LZTFL1: variants seen among roughly 807,000 people sequenced by gnomAD.
LZTFL1 encodes leucine zipper transcription factor like 1, also known as leucine zipper transcription factor-like protein 1.
In LZTFL1, 25 loss-of-function variants were observed where a neutral mutation model predicts 45.9. That is an observed-to-expected ratio of 0.54 (90% confidence interval 0.40 to 0.76). LZTFL1 has a LOEUF of 0.76. Ranked by LOEUF, LZTFL1 falls within the 30% of genes least tolerant of loss-of-function variation. LZTFL1 has a pLI of 0.00. For synonymous variants in LZTFL1, 93 were observed against 117.4 expected, an observed-to-expected ratio of 0.79 and a Z score of 1.35; for missense variants, 277 against 331.1, an observed-to-expected ratio of 0.84 and a Z score of 1.27.
chr3:45,880,907 C>G (rs1215846106), intron 2 of LZTFL1, among the ~76,000 whole-genome samples: 6 of 152,194 alleles, frequency 3.9e-5, no homozygotes, highest in Admixed American at 1.3e-4. Flanking sequence ...TTAATGTGCT[C>G]TGTCTTGCTG....
exon 1 of LZTFL1, chr3:45,915,613 A>T: frequency 2.4e-6 from 1 of 423,792 alleles, no homozygotes; most frequent in South Asian, 1.6e-5. Context: ...AAGGACACTC[A>T]TGCATCTCAG....
chr3:45,902,100 G>A, intron 2 of LZTFL1: 1 of 532,062 alleles, frequency 1.9e-6, no homozygotes, highest in Non-Finnish European at 3.3e-6. Flanking sequence ...CTGTTGATTG[G>A]CTCTTGACTG....
chr3:45,837,738 T>A (rs1372713760), intron 2 of LZTFL1, among the ~76,000 whole-genome samples, 189 bp downstream of exon 2: 1 of 152,246 alleles, frequency 6.6e-6, no homozygotes, highest in Non-Finnish European at 1.5e-5. Context: ...GACAATAGAT[T>A]CATTGCTTTC....
chr3:45,851,329 C>T (rs183252653), intron 4 of LZTFL1, among the ~76,000 whole-genome samples: 5 of 150,978 alleles, frequency 3.3e-5, no homozygotes, highest in African/African-American at 7.3e-5. Context: ...TGGGTTCAAG[C>T]GATTCTCCTG....
At chr3:45,903,307 T>C (rs1045351858) in intron 2 of LZTFL1, 4 of 156,460 alleles carry the variant, frequency 2.6e-5, no homozygotes, top group Non-Finnish European at 5.9e-5. Flanking sequence ...TAAAAAAAAG[T>C]GTGAAGAGTA....
intron 3 of LZTFL1, among the ~76,000 whole-genome samples, chr3:45,855,461 G>T (rs1176574242): frequency 6.6e-6 from 1 of 152,188 alleles, no homozygotes. Flanking sequence ...GTATCATACT[G>T]AATGGGCAAA....
At chr3:45,838,135 G>A (rs1242379769) in intron 1 of LZTFL1, 84 bp from the exon 2 acceptor site, 6 of 1,387,076 alleles carry the variant, frequency 4.3e-6, no homozygotes, top group Non-Finnish European at 5.8e-6. Flanking sequence ...GATATCCTGT[G>A]GTCGAGACTG....
At position 45,837,990 on chromosome 3, in the gene LZTFL1, C is replaced by A. The variant is rs199559779; in HGVS notation, c.65G>T (p.Arg22Leu). ...TTTGAGTCTCAAGCCTCTCTTTGAA[C>A]GAGCAAAACGCATATAATTAATAAC... ...NEVINYMRFA[R>L]SKRGLRLKTV... Residue 22 changes from arginine to leucine, a missense_variant, in exon 2 of 10, where the codon CGT becomes CTT. Physicochemically the swap from Arg to Leu is moderately radical, Grantham distance 102 (BLOSUM62 -2). Transcript: ENST00000296135. 2.5e-6 allele frequency: 4 copies of A among 1,613,622 alleles called. No homozygotes were observed. In the South Asian group the frequency reaches 4.4e-5, roughly 18 times the overall value.
chr3:45,912,283 C>T (rs1191794668), intron 2 of LZTFL1, among the ~76,000 whole-genome samples: 1 of 152,156 alleles, frequency 6.6e-6, no homozygotes, highest in Admixed American at 6.5e-5. Flanking sequence ...GAAATATGTG[C>T]AAGAAGGGAA....
At position 45,838,000 on chromosome 3, in the gene LZTFL1, G is replaced by T. The variant is rs759640480; in HGVS notation, c.55C>A (p.Arg19Ser). 12 of 1,612,762 alleles carry T rather than the reference G, an allele frequency of 7.4e-6. No homozygotes were observed. The East Asian group carries it at 1.1e-4, about 15-fold the overall frequency. Residue 19 changes from arginine to serine, a missense_variant, in exon 2 of 10, where the codon CGT becomes AGT. Arg to Ser is a moderately radical substitution (Grantham distance 110). Coordinates refer to ENST00000296135, the MANE Select transcript of LZTFL1 (RefSeq NM_020347.4). ...HHQNEVINYMRFARSKRGLRL... is the reference protein window; with the variant it reads ...HHQNEVINYMSFARSKRGLRL... ...AAGCCTCTCTTTGAACGAGCAAAACGCATATAATTAATAACTTCATTTTGA... is the reference window on the plus strand; with the variant it reads ...AAGCCTCTCTTTGAACGAGCAAAACTCATATAATTAATAACTTCATTTTGA...
chr3:45,832,826 G>T, intron 5 of LZTFL1: 1 of 409,308 alleles, frequency 2.4e-6, no homozygotes. Flanking sequence ...AAAATTTCAT[G>T]CTCTTCACTT....
In LZTFL1 at chr3:45,842,039, G is replaced by T; in HGVS notation, c.-48C>A. 6.2e-7 allele frequency: 1 copy of T among 1,601,686 alleles called. No homozygotes were observed. On this transcript the variant is annotated 5_prime_UTR_variant, in exon 1 of 10. Transcript: ENST00000296135. ...CTAAAGGAACGGGAGAGGCCAGGCG[G>T]TGCCCCGCCAAGCCTGGGATCGCCG...
At chr3:45,914,744 A>G (rs563234397) in intron 1 of LZTFL1, among the ~76,000 whole-genome samples, 1 of 152,276 alleles carries the variant, frequency 6.6e-6, no homozygotes, top group East Asian at 1.9e-4. Flanking sequence ...CAATACCTGA[A>G]ACTTTCATAA....
At chr3:45,905,846 G>T (rs1284391066) in intron 2 of LZTFL1, among the ~76,000 whole-genome samples, 3 of 152,210 alleles carry the variant, frequency 2.0e-5, no homozygotes, top group Non-Finnish European at 4.4e-5. Flanking sequence ...GTCAGTGAGA[G>T]GGGTGCTGGC....
chr3:45,825,094 TAAC>T lies in LZTFL1; in HGVS notation c.*1217_*1219del. 1 of 389,494 alleles carries T rather than the reference TAAC, an allele frequency of 2.6e-6. No individual in the cohort carries two copies. Among genetic ancestry groups the T allele is most frequent in the Non-Finnish European group, 4.5e-6 (1 of 220,592 alleles). The allele number at this position is 389,494 out of a possible 1,614,324, so 24.1% of individuals were successfully genotyped here. A position where few individuals can be genotyped will look rare whatever the true frequency, so the allele number is the denominator to read the frequency against. On this transcript the variant is annotated 3_prime_UTR_variant, in exon 10 of 10. Transcript: ENST00000296135. ...CTATTACTAAAAGCTTGAATAAAAA[TAAC>T]AACAAGCCCTATGCTCCAATCAGTA... is the stretch of plus-strand genomic sequence containing the variant.
rs1398739278 is a variant in LZTFL1, at chr3:45,828,631, G to A, written c.601-16C>T. 3.8e-6 allele frequency: 6 copies of A among 1,574,580 alleles called. No homozygotes were observed. In the East Asian group the frequency reaches 1.3e-4, roughly 35 times the overall value. ...TTATAAAATCCTATGAAAAATAAAT[G>A]CATGCATGTAATTTCATGTTGATAT... On this transcript the variant is annotated splice_polypyrimidine_tract_variant and intron_variant, in intron 7 of 9. Transcript: ENST00000296135.
chr3:45,913,283 G>A, intron 1 of LZTFL1: 4 of 805,152 alleles, frequency 5.0e-6, no homozygotes, highest in South Asian at 3.5e-5. Context: ...ATGAGGACCT[G>A]CCACAACCTA....
chr3:45,872,186 G>A (rs1302038033), intron 2 of LZTFL1, among the ~76,000 whole-genome samples: 1 of 152,132 alleles, frequency 6.6e-6, no homozygotes, highest in Non-Finnish European at 1.5e-5. Context: ...GTGCAGAGGG[G>A]CCAGAAAGGA....
At chr3:45,843,420 G>C (rs1701165313), upstream of LZTFL1, among the ~76,000 whole-genome samples, 1 of 152,176 alleles carries the variant, frequency 6.6e-6, no homozygotes, top group Non-Finnish European at 1.5e-5. Flanking sequence ...CACTTTACAA[G>C]GTGTTGTGGG....
Sources: gnomAD v4.1 joint callset for allele counts (sites outside exome capture counted in the v4.1 genomes callset) on GRCh38, gnomAD v4.1.1 for gene constraint, MANE v1.5 for transcripts, NCBI Gene and HGNC (gene_info 2026-07-23, HGNC 2026-07-21) for gene names.